The following ANKRD33B variants were observed in gnomAD, a reference collection of about 807,000 sequenced individuals.
ANKRD33B encodes ankyrin repeat domain-containing protein 33B.
Under a neutral mutation model 21.5 loss-of-function variants are expected in ANKRD33B, and 6 were observed. That is an observed-to-expected ratio of 0.28 (90% CI 0.15 to 0.55). ANKRD33B has a LOEUF of 0.55. ANKRD33B is among the 20% of genes least tolerant of loss of function. ANKRD33B has a pLI of 0.94. For synonymous variants in ANKRD33B, 347 were observed against 342.4 expected (o/e 1.01, Z -0.15); for missense variants, 698 against 747.2 (o/e 0.93, Z 0.77).
At chr5:10,634,668 C>T (rs1305780424) in intron 2 of ANKRD33B, among the ~76,000 whole-genome samples, 2 of 151,270 alleles carry the variant, frequency 1.3e-5, no homozygotes, top group Admixed American at 1.3e-4. Context: ...GTTGCCCAGG[C>T]CGGTCTTGAA....
chr5:10,631,030 C>T (rs1736699167), intron 2 of ANKRD33B, among the ~76,000 whole-genome samples: 1 of 152,234 alleles, frequency 6.6e-6, no homozygotes, highest in South Asian at 2.1e-4. Context: ...TTATGACCTA[C>T]AGTCGGACAT....
rs6869047 is a variant in ANKRD33B, at chr5:10,650,682, T to A, written c.*569T>A. ...ATGTTCTTAGTCATTAGATTAAGTGTTGCCGGATATTTCTATTTGACGGAG... is the reference window on the plus strand; with the variant it reads ...ATGTTCTTAGTCATTAGATTAAGTGATGCCGGATATTTCTATTTGACGGAG... On this transcript the variant is annotated 3_prime_UTR_variant, in exon 4 of 4. Coordinates refer to ENST00000296657, the MANE Select transcript of ANKRD33B (RefSeq NM_001164440.2). 0.3 allele frequency: 46,315 copies of A among 152,314 alleles called. 6,997 individuals carry two copies. Among genetic ancestry groups the A allele is most frequent in the Non-Finnish European group, 0.31 (21,324 of 67,984 alleles). 9.4% of individuals were successfully genotyped at this position (152,314 alleles called of 1,614,324 possible).
At chr5:10,648,732 C>A (rs1289665284) in intron 3 of ANKRD33B, among the ~76,000 whole-genome samples, 1 of 152,100 alleles carries the variant, frequency 6.6e-6, no homozygotes, top group Non-Finnish European at 1.5e-5. Context: ...GCACTCCAGC[C>A]TGGGCAACAA....
chr5:10,634,997 G>A (rs1388148059), intron 2 of ANKRD33B, among the ~76,000 whole-genome samples: 1 of 151,630 alleles, frequency 6.6e-6, no homozygotes, highest in African/African-American at 2.4e-5. Flanking sequence ...GGGAAGCAGG[G>A]CGTGATTTCT....
chr5:10,624,192 C>A (rs1236958163), intron 2 of ANKRD33B, among the ~76,000 whole-genome samples: 3 of 147,360 alleles, frequency 2.0e-5, no homozygotes, highest in African/African-American at 7.6e-5. Flanking sequence ...TGCAGTGGCA[C>A]AATCTCAGCT....
At chr5:10,591,301 T>C (rs1735685980) in intron 1 of ANKRD33B, among the ~76,000 whole-genome samples, 1 of 146,746 alleles carries the variant, frequency 6.8e-6, no homozygotes, top group Non-Finnish European at 1.5e-5. Flanking sequence ...CAAGCAATTC[T>C]CCTGCCTCAG....
chr5:10,579,602 T>A (rs6864906), intron 1 of ANKRD33B, among the ~76,000 whole-genome samples: 2 of 152,058 alleles, frequency 1.3e-5, no homozygotes, highest in African/African-American at 4.8e-5. Context: ...ATATAGATGA[T>A]CTCTAGCTCT....
At chr5:10,644,834 T>A (rs1339091780) in intron 3 of ANKRD33B, among the ~76,000 whole-genome samples, 1 of 152,150 alleles carries the variant, frequency 6.6e-6, no homozygotes, top group African/African-American at 2.4e-5. Flanking sequence ...GACAAGGACT[T>A]GGGGGCAAGT....
At chr5:10,564,930 C>G (rs1368179642) in intron 1 of ANKRD33B, 97 bp downstream of exon 1, 3 of 1,392,284 alleles carry the variant, frequency 2.2e-6, no homozygotes, top group East Asian at 5.1e-5. Flanking sequence ...GGCTCCGGAC[C>G]GGTCCCTCGG....
chr5:10,602,431 T>C (rs369008803), intron 1 of ANKRD33B, among the ~76,000 whole-genome samples: 20 of 152,376 alleles, frequency 1.3e-4, no homozygotes, highest in African/African-American at 4.8e-4. Flanking sequence ...TTAGCCAGGT[T>C]GTTAATTCTG....
intron 1 of ANKRD33B, among the ~76,000 whole-genome samples, chr5:10,567,719 A>G (rs1343967466): frequency 6.6e-6 from 1 of 152,214 alleles, no homozygotes; most frequent in Non-Finnish European, 1.5e-5. Context: ...GTGACGTTTG[A>G]GCAGAGACGG....
At chr5:10,646,575 T>A (rs1046282075) in intron 3 of ANKRD33B, among the ~76,000 whole-genome samples, 6 of 152,242 alleles carry the variant, frequency 3.9e-5, no homozygotes, top group African/African-American at 1.4e-4. Flanking sequence ...GGTTTTCCAT[T>A]AGCATTTGAA....
intron 1 of ANKRD33B, among the ~76,000 whole-genome samples, chr5:10,600,042 TA>T (rs1735898702): frequency 6.6e-6 from 1 of 152,252 alleles, no homozygotes; most frequent in African/African-American, 2.4e-5. Flanking sequence ...GCCATCCTGA[TA>T]GGGGTGAAGT....
chr5:10,606,878 G>A lies in ANKRD33B; in HGVS notation c.367-11455G>A, dbSNP rs151286753. ...TGAGTAGTTGCGATTACAGGTGTGC[G>A]TTACTACACCTGGCTCATTTTTTTG... On this transcript the variant is annotated intron_variant, in intron 1 of 3. Coordinates refer to ENST00000296657, the MANE Select transcript of ANKRD33B (RefSeq NM_001164440.2). Among the ~76,000 whole-genome samples, 326 of 151,858 alleles carry A rather than the reference G, an allele frequency of 2.1e-3. 3 individuals are homozygous for A. Among genetic ancestry groups the A allele is most frequent in the Middle Eastern group, 0.01 (3 of 294 alleles).
At chr5:10,611,499 A>G (rs972595219) in intron 1 of ANKRD33B, among the ~76,000 whole-genome samples, 3 of 152,088 alleles carry the variant, frequency 2.0e-5, no homozygotes, top group African/African-American at 7.2e-5. Flanking sequence ...GGAACGTTCC[A>G]TGGGATTCTT....
chr5:10,626,880 G>A (rs1237893809), intron 2 of ANKRD33B, among the ~76,000 whole-genome samples: 1 of 152,200 alleles, frequency 6.6e-6, no homozygotes, highest in Non-Finnish European at 1.5e-5. Flanking sequence ...GACAGCAGTC[G>A]CACTAAGCAG....
chr5:10,569,683 G>T (rs115449009), intron 1 of ANKRD33B, among the ~76,000 whole-genome samples: 1 of 152,136 alleles, frequency 6.6e-6, no homozygotes, highest in Non-Finnish European at 1.5e-5. Context: ...GTGAGAAAGC[G>T]GGTGAGGAGG....
intron 1 of ANKRD33B, among the ~76,000 whole-genome samples, chr5:10,612,248 A>G (rs1252687766): frequency 2.0e-5 from 3 of 152,212 alleles, no homozygotes; most frequent in Admixed American, 6.5e-5. Flanking sequence ...TGGCTTATAA[A>G]CAATGGAGAT....
chr5:10,603,208 C>T (rs1275298435), intron 1 of ANKRD33B, among the ~76,000 whole-genome samples: 1 of 152,082 alleles, frequency 6.6e-6, no homozygotes, highest in East Asian at 1.9e-4. Flanking sequence ...CGTGAATCCA[C>T]TTGTGTAGTT....
Sources: gnomAD v4.1 joint callset for allele counts (sites outside exome capture counted in the v4.1 genomes callset) on GRCh38, gnomAD v4.1.1 for gene constraint, MANE v1.5 for transcripts, NCBI Gene and HGNC (gene_info 2026-07-23, HGNC 2026-07-21) for gene names.